NDRG3: variants seen among roughly 807,000 people sequenced by gnomAD.
NDRG3 encodes NDRG family member 3.
In NDRG3, 23 loss-of-function variants were observed where a neutral mutation model predicts 57.2. The ratio of observed to expected loss-of-function variants is 0.40; its 90% CI spans 0.29 to 0.57. The LOEUF is 0.57. Among genes scored for constraint, NDRG3 ranks in the 20% least tolerant of loss-of-function variants. The probability of loss-of-function intolerance (pLI) is 0.42; values close to 1 mark genes in which losing one functional copy is unlikely to be tolerated. For synonymous variants in NDRG3, 132 were observed against 162.6 expected (o/e 0.81, Z 1.43); for missense variants, 384 against 457.3 (o/e 0.84, Z 1.46).
intron 9 of NDRG3, among the ~76,000 whole-genome samples, chr20:36,668,248 C>G (rs1706172883): frequency 6.6e-6 from 1 of 152,136 alleles, no homozygotes; most frequent in South Asian, 2.1e-4. Flanking sequence ...TCTCAACAAA[C>G]AAACAAATAA....
intron 3 of NDRG3, among the ~76,000 whole-genome samples, chr20:36,689,629 T>A (rs895122198): frequency 2.0e-4 from 31 of 151,874 alleles, no homozygotes; most frequent in Middle Eastern, 3.4e-3. Context: ...ACCATGTTTG[T>A]GGAACATAAA....
chr20:36,733,160 AAAAAAAAAAAAATATAT>A (rs1201474217), intron 1 of NDRG3, among the ~76,000 whole-genome samples: 2,055 of 54,038 alleles, frequency 0.038, 19 homozygotes, highest in Non-Finnish European at 0.053. Context: ...AAAAAAAAAA[AAAAAAAAAAAAATATAT>A]ATATATATAT....
At chr20:36,742,364 T>C (rs1206897307) in intron 1 of NDRG3, among the ~76,000 whole-genome samples, 4 of 152,342 alleles carry the variant, frequency 2.6e-5, no homozygotes, top group Middle Eastern at 6.8e-3. Flanking sequence ...GATAAACCTT[T>C]AGTGGCTAAA....
chr20:36,655,376 C>T (rs1978564723), intron 15 of NDRG3, among the ~76,000 whole-genome samples: 1 of 152,250 alleles, frequency 6.6e-6, no homozygotes, highest in African/African-American at 2.4e-5. Flanking sequence ...GTAAAGAGCT[C>T]TGTACCTGGG....
intron 1 of NDRG3, among the ~76,000 whole-genome samples, chr20:36,745,386 T>G (rs1372082721): frequency 6.6e-6 from 1 of 152,170 alleles, no homozygotes; most frequent in Non-Finnish European, 1.5e-5. Flanking sequence ...TTCAAAATTT[T>G]TTCAAAGGTA....
At chr20:36,731,027 A>T (rs1291847364) in intron 1 of NDRG3, among the ~76,000 whole-genome samples, 1 of 152,158 alleles carries the variant, frequency 6.6e-6, no homozygotes, top group Non-Finnish European at 1.5e-5. Flanking sequence ...GGGGAGATAA[A>T]AGAATTATGG....
intron 3 of NDRG3, among the ~76,000 whole-genome samples, chr20:36,697,274 A>T (rs1302287592): frequency 6.6e-6 from 1 of 152,142 alleles, no homozygotes; most frequent in Admixed American, 6.6e-5. Context: ...CTGATCATAA[A>T]CCTGGCCGCA....
chr20:36,711,047 G>A (rs770897903), intron 2 of NDRG3, among the ~76,000 whole-genome samples: 16 of 151,296 alleles, frequency 1.1e-4, no homozygotes, highest in East Asian at 5.9e-4. Flanking sequence ...TTGGGAGTCC[G>A]GGGCGGGTGG....
At chr20:36,745,731 A>T (rs980050024) in intron 1 of NDRG3, among the ~76,000 whole-genome samples, 4 of 152,174 alleles carry the variant, frequency 2.6e-5, no homozygotes, top group Admixed American at 1.3e-4. Context: ...AGAGCGAGAG[A>T]AGGGTTCGCG....
chr20:36,718,152 C>G (rs1015198886), intron 2 of NDRG3, among the ~76,000 whole-genome samples: 7 of 152,154 alleles, frequency 4.6e-5, no homozygotes, highest in African/African-American at 1.7e-4. Context: ...TATCATTATA[C>G]CTTTTACTAT....
intron 2 of NDRG3, among the ~76,000 whole-genome samples, chr20:36,708,661 A>AAAAAAAG (rs1555803976): frequency 4.6e-5 from 7 of 151,634 alleles, no homozygotes; most frequent in African/African-American, 1.7e-4. Context: ...AAAAAAAAAA[A>AAAAAAAG]AAAAAGAAAA....
At chr20:36,679,270 C>T (rs750889668) in intron 8 of NDRG3, among the ~76,000 whole-genome samples, 1 of 152,004 alleles carries the variant, frequency 6.6e-6, no homozygotes, top group South Asian at 2.1e-4. Flanking sequence ...TGGTCAAATA[C>T]TTTGGAAAAC....
intron 8 of NDRG3, among the ~76,000 whole-genome samples, chr20:36,672,774 A>C (rs1980286875): frequency 6.6e-6 from 1 of 151,812 alleles, no homozygotes; most frequent in African/African-American, 2.4e-5. Flanking sequence ...GGTTGCAGTG[A>C]GCCGAGATCA....
At chr20:36,733,708 A>T (rs1006713768) in intron 1 of NDRG3, among the ~76,000 whole-genome samples, 12 of 151,284 alleles carry the variant, frequency 7.9e-5, no homozygotes, top group Admixed American at 2.0e-4. Context: ...AAAAAAAAAT[A>T]AAAAAAAATA....
chr20:36,686,797 C>T (rs1490708748), intron 5 of NDRG3, among the ~76,000 whole-genome samples: 1 of 152,162 alleles, frequency 6.6e-6, no homozygotes, highest in Non-Finnish European at 1.5e-5. Flanking sequence ...GGGAGATGCT[C>T]CCAGGAAAGC....
intron 8 of NDRG3, among the ~76,000 whole-genome samples, chr20:36,678,267 G>T (rs527807714): frequency 5.9e-5 from 9 of 152,272 alleles, no homozygotes; most frequent in African/African-American, 2.2e-4. Flanking sequence ...CGCACATACA[G>T]AATATTTTTT....
intron 3 of NDRG3, among the ~76,000 whole-genome samples, chr20:36,702,545 CAG>C (rs1462405583): frequency 1.3e-5 from 2 of 151,888 alleles, no homozygotes; most frequent in East Asian, 3.9e-4. Flanking sequence ...GTTTTTGAGA[CAG>C]AGTTTCACTC....
Position 36,666,289 on chromosome 20 carries a change from C to A in NDRG3, c.692G>T (p.Gly231Val). 2 of 1,608,616 alleles carry A rather than the reference C, an allele frequency of 1.2e-6. No individual in the cohort carries two copies. Among genetic ancestry groups the A allele is most frequent in the African/African-American group, 2.7e-5 (2 of 74,836 alleles). The stretch of plus-strand genomic sequence containing the variant: ...GTGAAGAAACAGGAAAAAACTATAC[C>A]CATTGTAGGAATTCAAGAAGAGCTG... ...NLQLFLNSYN[G>V]RRDLEIERPI... Residue 231 changes from glycine (G) to valine (V), a missense_variant and splice_region_variant, in exon 10 of 16, where the codon GGA becomes GTA. By Grantham distance (109) the Gly-to-Val change is moderately radical. Transcript: ENST00000349004.
intron 1 of NDRG3, among the ~76,000 whole-genome samples, chr20:36,731,150 G>A (rs1985263411): frequency 6.6e-6 from 1 of 152,144 alleles, no homozygotes; most frequent in Admixed American, 6.6e-5. Context: ...AGGTGGGAGT[G>A]AGAATGAGTG....
Sources: gnomAD v4.1 joint callset for allele counts (sites outside exome capture counted in the v4.1 genomes callset) on GRCh38, gnomAD v4.1.1 for gene constraint, MANE v1.5 for transcripts, NCBI Gene and HGNC (gene_info 2026-07-23, HGNC 2026-07-21) for gene names.